ZFYVE9: variants seen among roughly 807,000 people sequenced by gnomAD.
ZFYVE9 encodes zinc finger FYVE-type containing 9.
A neutral mutation model predicts 126.7 loss-of-function variants in ZFYVE9; 43 were observed. That is an observed-to-expected ratio of 0.34 (90% CI 0.27 to 0.44). ZFYVE9 has a LOEUF of 0.44. ZFYVE9 is among the 20% of genes least tolerant of loss of function. The probability of loss-of-function intolerance (pLI) is 1.00; values close to 1 mark genes in which losing one functional copy is unlikely to be tolerated. For synonymous variants in ZFYVE9, 521 were observed against 597.4 expected (o/e 0.87, Z 1.87); for missense variants, 1,476 against 1,697.0 (o/e 0.87, Z 2.29).
intron 1 of ZFYVE9, among the ~76,000 whole-genome samples, chr1:52,210,631 G>A (rs1645019439): frequency 6.6e-6 from 1 of 152,088 alleles, no homozygotes; most frequent in Non-Finnish European, 1.5e-5. Flanking sequence ...GGGATTGATT[G>A]GGCTTACTTA....
At chr1:52,278,728 TTTC>T in intron 9 of ZFYVE9, 114 bp downstream of exon 9, 3 of 823,316 alleles carry the variant, frequency 3.6e-6, no homozygotes, top group African/African-American at 1.8e-5. Context: ...TCTTTTTTTT[TTTC>T]TTTTTTTTTT....
At chr1:52,313,371 T>C (rs1646155607) in intron 13 of ZFYVE9, among the ~76,000 whole-genome samples, 1 of 152,170 alleles carries the variant, frequency 6.6e-6, no homozygotes, top group African/African-American at 2.4e-5. Context: ...ATAGAGCGGG[T>C]AGGGGAAACC....
In ZFYVE9 at chr1:52,199,956, G is replaced by A. The variant is rs1486147156; in HGVS notation, c.-142-16413G>A. ...ATAATGTGGAGTATCTTATCATAAT[G>A]CCTGTTTGCCATCTGTGTACCTTCT... On this transcript the variant is annotated intron_variant, in intron 1 of 18. Coordinates refer to ENST00000287727, the MANE Select transcript of ZFYVE9 (RefSeq NM_004799.4). 2.7e-5 allele frequency among the ~76,000 whole-genome samples: 4 copies of A among 150,362 alleles called. No individual in the cohort carries two copies. In the East Asian group the frequency reaches 7.7e-4, roughly 29 times the overall value.
At chr1:52,279,859 G>T (rs1645784762) in intron 9 of ZFYVE9, among the ~76,000 whole-genome samples, 1 of 152,120 alleles carries the variant, frequency 6.6e-6, no homozygotes, top group African/African-American at 2.4e-5. Context: ...GAACCATCCT[G>T]CAGTTCTCCA....
At position 52,239,459 on chromosome 1, in the gene ZFYVE9, C is replaced by A. The variant is rs771426652; in HGVS notation, c.2042C>A (p.Ser681Tyr). Reference sequence around the variant, plus strand: ...CTCAGAGCTGGTCAGTTTGGAATTTCTGCCAGAAAGCCATTCACCACTCTG... The same window carrying A: ...CTCAGAGCTGGTCAGTTTGGAATTTATGCCAGAAAGCCATTCACCACTCTG... ...NDLRAGQFGI[S>Y]ARKPFTTLGE... The change falls in exon 4 of 19, where the codon TCT becomes TAT. Residue 681 changes from serine to tyrosine, a missense_variant. Around this residue, in one of 2 missense-constraint regions of ZFYVE9, gnomAD observed 807 missense variants for 794.6 expected, o/e 1.02. Transcript: ENST00000287727. 1 of 1,614,152 alleles carries A rather than the reference C, an allele frequency of 6.2e-7. No individual in the cohort carries two copies. The highest frequency in any genetic ancestry group is 8.5e-7 in the Non-Finnish European group (1 of 1,180,014).
chr1:52,155,551 A>G (rs1203106831), intron 1 of ZFYVE9, among the ~76,000 whole-genome samples: 1 of 152,110 alleles, frequency 6.6e-6, no homozygotes, highest in Non-Finnish European at 1.5e-5. Flanking sequence ...CTGTTTTTCT[A>G]ATAGCATGGC....
chr1:52,268,595 C>G lies in ZFYVE9; in HGVS notation c.2588C>G (p.Pro863Arg). 1 of 1,614,018 alleles carries G rather than the reference C, an allele frequency of 6.2e-7. No individual in the cohort carries two copies. Among genetic ancestry groups the G allele is most frequent in the South Asian group, 1.1e-5 (1 of 91,064 alleles). The change falls in exon 7 of 19, where the codon CCA becomes CGA. Residue 863 changes from proline (P) to arginine (R), a missense_variant. Pro to Arg is a moderately radical substitution (Grantham distance 103). Around this residue, in one of 2 missense-constraint regions of ZFYVE9, gnomAD observed 669 missense variants for 902.4 expected, o/e 0.74. Transcript: ENST00000287727. ...SAGTLAVSHD[P>R]VKPVTTSPLP... ...GGAACCCTGGCTGTGTCACACGACC[C>G]AGTCAAGCCAGTAACTACCAGTCCT...
At chr1:52,310,902 G>T (rs1209848515) in intron 13 of ZFYVE9, among the ~76,000 whole-genome samples, 3 of 152,170 alleles carry the variant, frequency 2.0e-5, no homozygotes, top group African/African-American at 4.8e-5. Context: ...ACAGGGTCTT[G>T]CTGTGTTGCC....
At chr1:52,300,741 G>C (rs1646025153) in intron 12 of ZFYVE9, among the ~76,000 whole-genome samples, 1 of 151,104 alleles carries the variant, frequency 6.6e-6, no homozygotes, top group African/African-American at 2.4e-5. Flanking sequence ...GTGTAGGTTT[G>C]CTGCTGATGA....
At chr1:52,163,440 C>T (rs865986942) in intron 1 of ZFYVE9, among the ~76,000 whole-genome samples, 4 of 152,166 alleles carry the variant, frequency 2.6e-5, no homozygotes, top group East Asian at 1.9e-4. Context: ...CAACAAAGGC[C>T]GCTCCACTCC....
chr1:52,167,965 G>A (rs1423366812), intron 1 of ZFYVE9, among the ~76,000 whole-genome samples: 1 of 152,126 alleles, frequency 6.6e-6, no homozygotes, highest in African/African-American at 2.4e-5. Context: ...ATTTTCAGCA[G>A]GCTGTTGAAA....
chr1:52,258,646 C>G (rs998472648), intron 4 of ZFYVE9, among the ~76,000 whole-genome samples: 7 of 152,190 alleles, frequency 4.6e-5, no homozygotes, highest in African/African-American at 1.7e-4. Flanking sequence ...CTATCCCAAA[C>G]CTGGCTCAAA....
At chr1:52,162,231 G>C in intron 1 of ZFYVE9, 1 of 266,558 alleles carries the variant, frequency 3.8e-6, no homozygotes. Context: ...GATCTGTATC[G>C]ACTATAATAA....
At chr1:52,297,383 A>T (rs1456586393) in intron 12 of ZFYVE9, among the ~76,000 whole-genome samples, 1 of 151,724 alleles carries the variant, frequency 6.6e-6, no homozygotes, top group Non-Finnish European at 1.5e-5. Flanking sequence ...GATTACAGGC[A>T]CCTGCCACCA....
At chr1:52,263,044 A>G (rs1645594528) in intron 4 of ZFYVE9, among the ~76,000 whole-genome samples, 1 of 148,382 alleles carries the variant, frequency 6.7e-6, no homozygotes, top group Non-Finnish European at 1.5e-5. Flanking sequence ...GCACCACTGC[A>G]CTCCAGCCTG....
chr1:52,205,238 C>A (rs1644966806), intron 1 of ZFYVE9, among the ~76,000 whole-genome samples: 2 of 151,872 alleles, frequency 1.3e-5, no homozygotes, highest in Non-Finnish European at 2.9e-5. Context: ...CCACACCTGG[C>A]CTATTTTTGT....
At position 52,238,807 on chromosome 1, in the gene ZFYVE9, A is replaced by G. The variant is rs1253687413; in HGVS notation, c.1390A>G (p.Thr464Ala). 2 of 1,614,108 alleles carry G rather than the reference A, an allele frequency of 1.2e-6. No individual in the cohort carries two copies. The highest frequency in any genetic ancestry group is 1.7e-6 in the Non-Finnish European group (2 of 1,179,960). Residue 464 changes from threonine (T) to alanine (A), a missense_variant, in exon 4 of 19, where the codon ACT becomes GCT. Coordinates refer to ENST00000287727, the MANE Select transcript of ZFYVE9 (RefSeq NM_004799.4). ...TGAAAGTGAAGAATGTGATTTCTCCACTGTTATAGACACACCAGCAGCAAA... is the reference window on the plus strand; with the variant it reads ...TGAAAGTGAAGAATGTGATTTCTCCGCTGTTATAGACACACCAGCAGCAAA... ...ISESEECDFS[T>A]VIDTPAANYL...
intron 12 of ZFYVE9, among the ~76,000 whole-genome samples, chr1:52,301,291 CTTTTTTT>C (rs527599525): frequency 1.2e-4 from 9 of 72,634 alleles, no homozygotes; most frequent in Non-Finnish European, 2.0e-4. Context: ...CTTTTTCCAT[CTTTTTTT>C]TTTTTTTTTT....
intron 1 of ZFYVE9, among the ~76,000 whole-genome samples, chr1:52,188,528 G>A (rs1330963452): frequency 6.6e-6 from 1 of 152,098 alleles, no homozygotes; most frequent in African/African-American, 2.4e-5. Context: ...CCAACAGTTA[G>A]AATTGGCATT....
Sources: gnomAD v4.1 joint callset for allele counts (sites outside exome capture counted in the v4.1 genomes callset) on GRCh38, gnomAD v4.1.1 for gene constraint, gnomAD v4.1.1 regional missense constraint, MANE v1.5 for transcripts, NCBI Gene and HGNC (gene_info 2026-07-23, HGNC 2026-07-21) for gene names.